UBE2F: variants seen among roughly 807,000 people sequenced by gnomAD.
UBE2F encodes the protein ubiquitin conjugating enzyme E2 F (putative).
A neutral mutation model predicts 29.6 loss-of-function variants in UBE2F; 5 were observed. The ratio of observed to expected loss-of-function variants is 0.17; its 90% CI spans 0.09 to 0.36. The LOEUF is 0.36. Ranked by LOEUF, UBE2F falls within the 10% of genes least tolerant of loss-of-function variation. The pLI is 1.00. For synonymous variants in UBE2F, 66 were observed against 81.8 expected (o/e 0.81, Z 1.04); for missense variants, 141 against 228.5 (o/e 0.62, Z 2.47).
At chr2:238,021,695 A>G (rs2064296778) in intron 5 of UBE2F, among the ~76,000 whole-genome samples, 1 of 152,240 alleles carries the variant, frequency 6.6e-6, no homozygotes, top group South Asian at 2.1e-4. Flanking sequence ...GTAAAGGGCT[A>G]AGCAATAAAT....
intron 1 of UBE2F, among the ~76,000 whole-genome samples, chr2:237,971,209 T>A (rs534661272): frequency 7.3e-4 from 111 of 152,388 alleles, no homozygotes; most frequent in African/African-American, 2.5e-3. Context: ...GTCAAGCTTT[T>A]CACATGGAAT....
Position 237,988,000 on chromosome 2 carries a change from T to C in UBE2F, c.148+8T>C, listed in dbSNP as rs1576599631. ...TTGAAGCTAATTTACCTTGTAAGTA[T>C]AGCATCCCCAAACACTAAGTACTGT... On this transcript the variant is annotated splice_region_variant and intron_variant, in intron 3 of 9. Transcript: ENST00000272930. 6.6e-7 allele frequency: 1 copy of C among 1,503,762 alleles called. No homozygotes were observed. The highest frequency in any genetic ancestry group is 8.9e-7 in the Non-Finnish European group (1 of 1,122,690). 93.2% of individuals were successfully genotyped at this position (1,503,762 alleles called of 1,614,324 possible).
chr2:237,984,210 C>T (rs2063434720), intron 2 of UBE2F, among the ~76,000 whole-genome samples: 1 of 152,198 alleles, frequency 6.6e-6, no homozygotes, highest in Non-Finnish European at 1.5e-5. Context: ...ATTCTGTTTG[C>T]TCTGAAGCCC....
At chr2:238,021,419 C>A (rs79975092) in intron 5 of UBE2F, among the ~76,000 whole-genome samples, 2,223 of 152,296 alleles carry the variant, frequency 0.015, 53 homozygotes, top group East Asian at 0.12. Context: ...AACCTGTAAT[C>A]TCTCCATCCA....
chr2:237,977,392 C>T (rs965412633), intron 2 of UBE2F, among the ~76,000 whole-genome samples: 1 of 152,214 alleles, frequency 6.6e-6, no homozygotes, highest in African/African-American at 2.4e-5. Context: ...TCCTTCCACT[C>T]ACCTCAGGGG....
intron 5 of UBE2F, among the ~76,000 whole-genome samples, chr2:238,022,193 A>T (rs1318174226): frequency 8.4e-6 from 1 of 118,862 alleles, no homozygotes; most frequent in African/African-American, 4.7e-5. Context: ...TTTTGGAGAC[A>T]GAGTCTTGCT....
intron 2 of UBE2F, among the ~76,000 whole-genome samples, chr2:237,980,853 G>A (rs954398689): frequency 1.3e-5 from 2 of 152,202 alleles, no homozygotes; most frequent in South Asian, 4.1e-4. Context: ...GGGAGCAGGC[G>A]GCAAGGAGCC....
In UBE2F at chr2:238,020,579, T is replaced by C. The variant is rs111282492; in HGVS notation, c.282+3946T>C. Among the ~76,000 whole-genome samples, 418 of 152,350 alleles carry C rather than the reference T, an allele frequency of 2.7e-3. 2 individuals carry two copies. Among genetic ancestry groups the C allele is most frequent in the Non-Finnish European group, 4.9e-3 (330 of 68,032 alleles). On this transcript the variant is annotated intron_variant, in intron 5 of 9. Coordinates refer to ENST00000272930, the MANE Select transcript of UBE2F (RefSeq NM_080678.3). ...GAAGGTCTGTTATTAAGACTGTGAA[T>C]GTGGAAAACCTTTAATAAAGTCGAT... is the stretch of plus-strand genomic sequence containing the variant.
At chr2:238,033,018 G>A (rs547407357) in intron 8 of UBE2F, among the ~76,000 whole-genome samples, 164 of 152,270 alleles carry the variant, frequency 1.1e-3, no homozygotes, top group Admixed American at 3.9e-3. Context: ...CAGCAGGGTG[G>A]CTGTTACTCT....
chr2:237,973,705 A>G (rs1271183334), intron 2 of UBE2F: 5 of 1,298,894 alleles, frequency 3.8e-6, no homozygotes, highest in Non-Finnish European at 3.0e-6. Context: ...AATTAATAAC[A>G]TATAGTGTTC....
At chr2:238,037,774 T>A (rs821510) in intron 9 of UBE2F, among the ~76,000 whole-genome samples, 60,969 of 152,016 alleles carry the variant, frequency 0.4, 12,584 homozygotes, top group East Asian at 0.71. Flanking sequence ...CTGGGCTAAT[T>A]TTTGTATTCT....
intron 4 of UBE2F, among the ~76,000 whole-genome samples, chr2:238,006,759 C>CTTTTT (rs60514924): frequency 4.8e-5 from 6 of 125,580 alleles, no homozygotes; most frequent in South Asian, 2.5e-4. Flanking sequence ...TTTCTTTTTT[C>CTTTTT]TTTTTTTTTT....
chr2:237,970,628 G>A (rs1205963490), intron 1 of UBE2F, among the ~76,000 whole-genome samples: 1 of 152,248 alleles, frequency 6.6e-6, no homozygotes, highest in East Asian at 1.9e-4. Context: ...TTTAGGGTAT[G>A]TGTATGTCCG....
At chr2:238,038,057 T>C (rs821507) in intron 9 of UBE2F, among the ~76,000 whole-genome samples, 129,114 of 152,252 alleles carry the variant, frequency 0.85, 54,848 homozygotes, top group East Asian at 0.97. Flanking sequence ...AGTCTTGAGC[T>C]CAGGAGGTGC....
rs2064812975 is a variant in UBE2F, at chr2:238,040,353, A to C, written c.508-935A>C. ...GCCAGGTGTCGGGATTATGCAGTGG[A>C]ATCAGCAAACAGGTTAGACTGAGGC... On this transcript the variant is annotated intron_variant, in intron 9 of 9. Coordinates refer to ENST00000272930, the MANE Select transcript of UBE2F (RefSeq NM_080678.3). The surrounding 1 kb of genome is among the most constrained non-coding windows in gnomAD (Gnocchi z 4.4). 6.6e-6 allele frequency among the ~76,000 whole-genome samples: 1 copy of C among 152,218 alleles called. No homozygotes were observed. The highest frequency in any genetic ancestry group is 1.5e-5 in the Non-Finnish European group (1 of 68,030).
intron 3 of UBE2F, chr2:237,990,533 G>T: frequency 3.1e-6 from 1 of 320,452 alleles, no homozygotes; most frequent in Non-Finnish European, 6.1e-6. Flanking sequence ...CTCCTGAGCA[G>T]CTGAGACCTC....
intron 3 of UBE2F, among the ~76,000 whole-genome samples, chr2:237,993,048 C>T (rs1301996565): frequency 4.0e-5 from 6 of 150,494 alleles, no homozygotes; most frequent in Admixed American, 4.0e-4. Context: ...AGGGCAGTGG[C>T]GTGATCTCAG....
intron 4 of UBE2F, among the ~76,000 whole-genome samples, chr2:237,997,457 C>T (rs933283695): frequency 1.3e-5 from 2 of 151,958 alleles, no homozygotes; most frequent in Non-Finnish European, 2.9e-5. Flanking sequence ...ATATGCCAAC[C>T]GGAAAAACTT....
At chr2:238,034,384 C>T (rs886114603) in intron 8 of UBE2F, among the ~76,000 whole-genome samples, 7 of 151,966 alleles carry the variant, frequency 4.6e-5, no homozygotes, top group Non-Finnish European at 7.4e-5. Context: ...GCCGAGATCA[C>T]GCCATTGCAT....
Sources: gnomAD v4.1 joint callset for allele counts (sites outside exome capture counted in the v4.1 genomes callset) on GRCh38, gnomAD v4.1.1 for gene constraint, Gnocchi (gnomAD v3.1) non-coding constraint, MANE v1.5 for transcripts, NCBI Gene and HGNC (gene_info 2026-07-23, HGNC 2026-07-21) for gene names.